MAP2K1: variants seen among roughly 807,000 people sequenced by gnomAD.
MAP2K1 encodes the protein dual specificity mitogen-activated protein kinase kinase 1.
Under a neutral mutation model 46.3 loss-of-function variants are expected in MAP2K1, and 16 were observed. The observed-to-expected ratio is 0.35, with a 90% CI of 0.23 to 0.52. The LOEUF (loss-of-function observed/expected upper bound fraction) is 0.52, where lower values mean the gene tolerates loss of function less well. Among genes scored for constraint, MAP2K1 ranks in the 20% least tolerant of loss-of-function variants. The pLI is 0.94. For missense variants in MAP2K1, 263 were observed against 497.1 expected, an observed-to-expected ratio of 0.53 and a Z score of 4.48; for synonymous variants, 183 against 185.6, an observed-to-expected ratio of 0.99 and a Z score of 0.11.
At chr15:66,461,505 TAAATAAATAATA>T (rs1243828106) in intron 5 of MAP2K1, among the ~76,000 whole-genome samples, 6 of 149,906 alleles carry the variant, frequency 4.0e-5, no homozygotes, top group Admixed American at 2.7e-4. Context: ...AATAAATAAA[TAAATAAATAATA>T]AAATAATAAT....
Position 66,387,037 on chromosome 15 carries a change from T to G in MAP2K1, c.-311T>G. The G allele has an allele frequency of 3.0e-6, 1 of 329,240 alleles. No individual in the cohort carries two copies. 20.4% of individuals were successfully genotyped at this position (329,240 alleles called of 1,614,324 possible). A position where few individuals can be genotyped will look rare whatever the true frequency, so the allele number is the denominator to read the frequency against. ...TGCCGCCCGAGCCGGAGGGACTGGT[T>G]GGTTGAGAGAGAGAGAGGAAGGGAA... On this transcript the variant is annotated 5_prime_UTR_variant, in exon 1 of 11. Transcript: ENST00000307102.
chr15:66,393,660 G>A (rs764835061), intron 1 of MAP2K1, among the ~76,000 whole-genome samples: 5 of 152,192 alleles, frequency 3.3e-5, no homozygotes, highest in Non-Finnish European at 5.9e-5. Context: ...GGCCTACAAG[G>A]CCCTACCTGA....
intron 1 of MAP2K1, among the ~76,000 whole-genome samples, chr15:66,395,359 T>A (rs2093364999): frequency 6.6e-6 from 1 of 152,182 alleles, no homozygotes; most frequent in Admixed American, 6.5e-5. Context: ...AAAACTACAT[T>A]TAAGTGGGTA....
chr15:66,465,542 GCTGT>G (rs1223718512), intron 5 of MAP2K1, among the ~76,000 whole-genome samples: 1 of 152,180 alleles, frequency 6.6e-6, no homozygotes, highest in East Asian at 1.9e-4. Context: ...GTGGCACCAG[GCTGT>G]CTGCTTGTAG....
intron 3 of MAP2K1, among the ~76,000 whole-genome samples, chr15:66,441,401 T>G (rs1481598891): frequency 6.6e-6 from 1 of 152,152 alleles, no homozygotes; most frequent in Non-Finnish European, 1.5e-5. Flanking sequence ...CTGAGCACAG[T>G]GACTCACACT....
intron 1 of MAP2K1, among the ~76,000 whole-genome samples, chr15:66,391,407 G>A (rs2093356014): frequency 6.6e-6 from 1 of 152,178 alleles, no homozygotes; most frequent in Non-Finnish European, 1.5e-5. Flanking sequence ...TCCTGCCTCA[G>A]CCTCCCAAGT....
intron 5 of MAP2K1, among the ~76,000 whole-genome samples, chr15:66,461,202 A>G (rs1366340182): frequency 6.6e-6 from 1 of 152,126 alleles, no homozygotes; most frequent in Non-Finnish European, 1.5e-5. Flanking sequence ...TAGAGGAACA[A>G]GAGTGGGCTG....
At chr15:66,408,708 G>C (rs2093403968) in intron 1 of MAP2K1, among the ~76,000 whole-genome samples, 1 of 152,016 alleles carries the variant, frequency 6.6e-6, no homozygotes, top group African/African-American at 2.4e-5. Context: ...TTCCTCAGTG[G>C]GTCCTGGCCT....
intron 1 of MAP2K1, among the ~76,000 whole-genome samples, chr15:66,419,158 T>C (rs1196315195): frequency 1.3e-5 from 2 of 151,542 alleles, no homozygotes; most frequent in East Asian, 1.9e-4. Context: ...ACTTCTGTTT[T>C]TTTTTCCCCC....
At chr15:66,418,945 CTTTTTT>C (rs753511565) in intron 1 of MAP2K1, among the ~76,000 whole-genome samples, 4 of 88,892 alleles carry the variant, frequency 4.5e-5, no homozygotes, top group African/African-American at 1.9e-4. Flanking sequence ...TGTGCCCGGC[CTTTTTT>C]TTTTTTTTTT....
At chr15:66,396,997 T>C (rs2093369355) in intron 1 of MAP2K1, among the ~76,000 whole-genome samples, 1 of 14,480 alleles carries the variant, frequency 6.9e-5, no homozygotes, top group Non-Finnish European at 1.3e-4. Flanking sequence ...TAACGCTTCT[T>C]TTTTTTTTTT....
intron 1 of MAP2K1, among the ~76,000 whole-genome samples, chr15:66,429,674 C>CGG (rs769639468): frequency 0.016 from 633 of 40,124 alleles, 119 homozygotes; most frequent in Middle Eastern, 0.035. Context: ...GCCCCCCCCC[C>CGG]CCCCGTCCCC....
intron 1 of MAP2K1, among the ~76,000 whole-genome samples, chr15:66,420,926 T>C (rs1456570686): frequency 7.3e-6 from 1 of 136,824 alleles, no homozygotes; most frequent in Non-Finnish European, 1.6e-5. Flanking sequence ...TACATACATA[T>C]ATATACACAC....
At position 66,434,359 on chromosome 15, in the gene MAP2K1, A is replaced by G. The variant is rs537834784; in HGVS notation, c.81-668A>G. 1.4e-3 allele frequency among the ~76,000 whole-genome samples: 212 copies of G among 152,328 alleles called. 1 individual carries two copies. Among genetic ancestry groups the G allele is most frequent in the African/African-American group, 5.1e-3 (210 of 41,580 alleles). On this transcript the variant is annotated intron_variant, in intron 1 of 10. Coordinates refer to ENST00000307102, the MANE Select transcript of MAP2K1 (RefSeq NM_002755.4). ...TCGACAATGTATTATGTTCTGGTCCATGTGCGAAGGATGATGTGGACCTCT... is the reference window on the plus strand; with the variant it reads ...TCGACAATGTATTATGTTCTGGTCCGTGTGCGAAGGATGATGTGGACCTCT...
At chr15:66,488,909 A>G in intron 8 of MAP2K1, 2 of 471,430 alleles carry the variant, frequency 4.2e-6, no homozygotes, top group Admixed American at 3.3e-5. Flanking sequence ...ATGTCATAGA[A>G]GAGTAAACTG....
intron 5 of MAP2K1, 43 bp downstream of exon 5, chr15:66,444,750 A>G (rs749463416): frequency 1.3e-6 from 2 of 1,506,722 alleles, no homozygotes; most frequent in Non-Finnish European, 9.2e-7. Flanking sequence ...AATTTTAGAT[A>G]TAATCCAAAG....
intron 1 of MAP2K1, among the ~76,000 whole-genome samples, chr15:66,422,085 AGGTAATTAACTACATTGT>A (rs1416273185): frequency 6.6e-6 from 1 of 152,196 alleles, no homozygotes; most frequent in African/African-American, 2.4e-5. Flanking sequence ...AAAGCAATAA[AGGTAATTAACTACATTGT>A]GCATTTTCCC....
intron 1 of MAP2K1, among the ~76,000 whole-genome samples, chr15:66,431,761 T>C (rs1299274222): frequency 1.3e-5 from 2 of 152,230 alleles, no homozygotes; most frequent in Non-Finnish European, 1.5e-5. Context: ...TAGGTGGACC[T>C]GTGCCATGGT....
At chr15:66,408,310 C>T (rs2093402794) in intron 1 of MAP2K1, among the ~76,000 whole-genome samples, 1 of 152,142 alleles carries the variant, frequency 6.6e-6, no homozygotes, top group Non-Finnish European at 1.5e-5. Flanking sequence ...AGAGACAACA[C>T]CGGGCATACT....
Sources: gnomAD v4.1 joint callset for allele counts (sites outside exome capture counted in the v4.1 genomes callset) on GRCh38, gnomAD v4.1.1 for gene constraint, MANE v1.5 for transcripts, NCBI Gene and HGNC (gene_info 2026-07-23, HGNC 2026-07-21) for gene names.